CRACD: variants seen among roughly 807,000 people sequenced by gnomAD.
CRACD encodes the protein capping protein inhibiting regulator of actin dynamics.
Under a neutral mutation model 106.8 loss-of-function variants are expected in CRACD, and 56 were observed. The observed-to-expected ratio is 0.52, with a 90% CI of 0.42 to 0.66. CRACD has a LOEUF of 0.66. Among genes scored for constraint, CRACD ranks in the 30% least tolerant of loss-of-function variants. The probability of loss-of-function intolerance (pLI) is 0.00; values close to 1 mark genes in which losing one functional copy is unlikely to be tolerated. For synonymous variants in CRACD, 754 were observed against 670.8 expected, an observed-to-expected ratio of 1.12 and a Z score of -1.92; for missense variants, 1,730 against 1,623.2, an observed-to-expected ratio of 1.07 and a Z score of -1.13.
intron 1 of CRACD, among the ~76,000 whole-genome samples, chr4:56,061,892 T>C (rs1433691420): frequency 6.6e-6 from 1 of 152,218 alleles, no homozygotes; most frequent in Non-Finnish European, 1.5e-5. Flanking sequence ...TTGATTAAAA[T>C]CAGTTTCCAA....
rs576243327 is a variant in CRACD, at chr4:56,252,270, C to T, written c.-188-20051C>T. On this transcript the variant is annotated intron_variant, in intron 2 of 10. Coordinates refer to ENST00000682029, the MANE Select transcript of CRACD (RefSeq NM_001393381.1). ...TTCCAGTTCACTCCCACTACACACA[C>T]ATACCACCATCACAACCATCTCTAA... Among the ~76,000 whole-genome samples, 9 of 152,320 alleles carry T rather than the reference C, an allele frequency of 5.9e-5. No homozygotes were observed. In the East Asian group the frequency reaches 1.5e-3, roughly 26 times the overall value.
At chr4:56,079,072 T>G (rs1310749116) in intron 1 of CRACD, among the ~76,000 whole-genome samples, 1 of 152,202 alleles carries the variant, frequency 6.6e-6, no homozygotes, top group African/African-American at 2.4e-5. Context: ...AAACGAAGTC[T>G]GCAGACACTT....
chr4:56,279,447 A>G (rs1742881783), intron 3 of CRACD, among the ~76,000 whole-genome samples: 1 of 152,236 alleles, frequency 6.6e-6, no homozygotes. Context: ...AAACAAATTT[A>G]CAAGAAAAAA....
At chr4:56,291,624 A>G (rs567193236) in intron 3 of CRACD, among the ~76,000 whole-genome samples, 1 of 152,334 alleles carries the variant, frequency 6.6e-6, no homozygotes, top group African/African-American at 2.4e-5. Context: ...ATTTAATATT[A>G]GATTTAATAT....
At chr4:56,253,094 C>G (rs1339841174) in intron 2 of CRACD, among the ~76,000 whole-genome samples, 1 of 152,162 alleles carries the variant, frequency 6.6e-6, no homozygotes, top group Non-Finnish European at 1.5e-5. Context: ...TGAGCATGTT[C>G]TTCCCTAGGA....
intron 3 of CRACD, among the ~76,000 whole-genome samples, chr4:56,285,241 C>T (rs981489989): frequency 6.6e-6 from 1 of 152,142 alleles, no homozygotes; most frequent in Non-Finnish European, 1.5e-5. Context: ...CACCAGGCCG[C>T]CCCTCCAATT....
At chr4:56,210,032 G>C (rs115900585) in intron 2 of CRACD, among the ~76,000 whole-genome samples, 1,902 of 152,200 alleles carry the variant, frequency 0.012, 44 homozygotes, top group African/African-American at 0.043. Flanking sequence ...AGGAAGAAGG[G>C]GTCATAATGG....
intron 4 of CRACD, among the ~76,000 whole-genome samples, chr4:56,301,603 C>T (rs561603123): frequency 6.6e-6 from 1 of 152,036 alleles, no homozygotes; most frequent in South Asian, 2.1e-4. Flanking sequence ...ACTTCCCAGC[C>T]CTTCGAGTTC....
At chr4:56,158,671 C>T (rs902729863) in intron 1 of CRACD, among the ~76,000 whole-genome samples, 31 of 152,272 alleles carry the variant, frequency 2.0e-4, no homozygotes, top group Non-Finnish European at 4.0e-4. Flanking sequence ...TATGTCAACA[C>T]AGAGAGGAGA....
At chr4:56,202,373 G>C (rs560504594) in intron 2 of CRACD, among the ~76,000 whole-genome samples, 3 of 151,990 alleles carry the variant, frequency 2.0e-5, no homozygotes, top group Non-Finnish European at 4.4e-5. Context: ...CGGCCTCCCA[G>C]GTAGCTGGGA....
chr4:56,323,789 C>T (rs1205210769), intron 9 of CRACD, among the ~76,000 whole-genome samples: 2 of 152,180 alleles, frequency 1.3e-5, no homozygotes, highest in South Asian at 2.1e-4. Flanking sequence ...CCATAATCCA[C>T]GATACGCTTA....
chr4:56,176,280 C>T (rs550586930), intron 1 of CRACD, among the ~76,000 whole-genome samples: 67 of 152,132 alleles, frequency 4.4e-4, no homozygotes, highest in Non-Finnish European at 2.1e-4. Flanking sequence ...TGGTTCCATG[C>T]GAATTTTAGC....
chr4:56,171,083 A>G (rs1026789452), intron 1 of CRACD, among the ~76,000 whole-genome samples: 1 of 152,192 alleles, frequency 6.6e-6, no homozygotes, highest in African/African-American at 2.4e-5. Context: ...AAGATTTTTA[A>G]AAAAACTAAT....
chr4:56,293,226 G>T (rs749306169), intron 3 of CRACD, among the ~76,000 whole-genome samples: 4 of 152,122 alleles, frequency 2.6e-5, no homozygotes, highest in Admixed American at 6.5e-5. Context: ...AGTTAAAAGG[G>T]TTTAACATGG....
intron 3 of CRACD, among the ~76,000 whole-genome samples, chr4:56,286,480 C>T (rs1305342811): frequency 3.4e-4 from 46 of 136,040 alleles, no homozygotes; most frequent in African/African-American, 1.2e-3. Flanking sequence ...GAGCCGAGAT[C>T]GCGCCACTGC....
rs1734326366 is a variant in CRACD at position 56,117,253 on chromosome 4, C to T, written c.-335-62031C>T. 2.0e-5 allele frequency among the ~76,000 whole-genome samples: 3 copies of T among 152,116 alleles called. No homozygotes were observed. In the South Asian group the frequency reaches 6.2e-4, roughly 32 times the overall value. On this transcript the variant is annotated intron_variant, in intron 1 of 10. Transcript: ENST00000682029. ...AGCCAGGATGGTCTCTATCTCCTGA[C>T]CTTGGGATCTGCCCGTCTCGGCCTC...
At chr4:56,114,732 G>A (rs1381018164) in intron 1 of CRACD, among the ~76,000 whole-genome samples, 2 of 152,068 alleles carry the variant, frequency 1.3e-5, no homozygotes, top group Non-Finnish European at 2.9e-5. Flanking sequence ...GTATATCAGA[G>A]TGCATCTCAT....
chr4:56,119,643 A>G (rs1352497707), intron 1 of CRACD, among the ~76,000 whole-genome samples: 1 of 151,832 alleles, frequency 6.6e-6, no homozygotes, highest in East Asian at 1.9e-4. Context: ...CCCTATTCTC[A>G]GTTTTTTCCA....
At chr4:56,086,581 C>T (rs901076910) in intron 1 of CRACD, among the ~76,000 whole-genome samples, 5 of 152,232 alleles carry the variant, frequency 3.3e-5, no homozygotes, top group East Asian at 1.9e-4. Flanking sequence ...CTTCACTTTC[C>T]CTTCACCTCT....
Sources: gnomAD v4.1 joint callset for allele counts (sites outside exome capture counted in the v4.1 genomes callset) on GRCh38, gnomAD v4.1.1 for gene constraint, MANE v1.5 for transcripts, NCBI Gene and HGNC (gene_info 2026-07-23, HGNC 2026-07-21) for gene names.